The following PRKN variants were observed in gnomAD, a reference collection of about 807,000 sequenced individuals.
PRKN encodes the protein E3 ubiquitin-protein ligase parkin.
A neutral mutation model predicts 59.5 loss-of-function variants in PRKN; 56 were observed. The ratio of observed to expected loss-of-function variants is 0.94; its 90% CI spans 0.76 to 1.18. The LOEUF is 1.18. Among genes scored for constraint, PRKN ranks in the 50% most tolerant of loss-of-function variants. PRKN has a pLI of 0.00. For synonymous variants in PRKN, 250 were observed against 222.1 expected (o/e 1.13, Z -1.12); for missense variants, 657 against 596.4 (o/e 1.10, Z -1.06).
chr6:162,640,142 T>C (rs1160828129), intron 1 of PRKN, among the ~76,000 whole-genome samples: 1 of 152,104 alleles, frequency 6.6e-6, no homozygotes, highest in Non-Finnish European at 1.5e-5. Flanking sequence ...AAGTACCAAG[T>C]GCCAAGCCAG....
intron 7 of PRKN, among the ~76,000 whole-genome samples, chr6:161,616,148 C>T (rs1782684597): frequency 1.3e-5 from 2 of 152,206 alleles, no homozygotes; most frequent in Admixed American, 6.5e-5. Flanking sequence ...CTGTCCTGCT[C>T]TGTTCATTTT....
intron 5 of PRKN, among the ~76,000 whole-genome samples, chr6:162,038,233 C>A (rs183896176): frequency 1.9e-4 from 29 of 151,940 alleles, no homozygotes; most frequent in African/African-American, 6.8e-4. Flanking sequence ...TTGTCAGAGC[C>A]ACTTAATTTG....
intron 4 of PRKN, among the ~76,000 whole-genome samples, chr6:162,180,374 G>T (rs1783748930): frequency 6.6e-6 from 1 of 152,068 alleles, no homozygotes; most frequent in Non-Finnish European, 1.5e-5. Flanking sequence ...ATTTCACATT[G>T]CATGCCTGAA....
At chr6:161,490,916 C>T (rs1470275655) in intron 9 of PRKN, among the ~76,000 whole-genome samples, 1 of 152,110 alleles carries the variant, frequency 6.6e-6, no homozygotes, top group Non-Finnish European at 1.5e-5. Flanking sequence ...CTTCCCCCTG[C>T]TCCCGCCATA....
At chr6:162,360,509 A>G (rs1785087673) in intron 2 of PRKN, among the ~76,000 whole-genome samples, 2 of 152,216 alleles carry the variant, frequency 1.3e-5, no homozygotes, top group South Asian at 2.1e-4. Context: ...AAACCTGTCT[A>G]CTCTCGATAC....
rs1786217488 is a variant in PRKN, at chr6:161,385,868, C to T, written c.1167+926G>A. On this transcript the variant is annotated intron_variant, in intron 10 of 11. Transcript: ENST00000366898. The surrounding 1 kb of genome is among the most constrained non-coding windows in gnomAD (Gnocchi z 4.9). Reference sequence around the variant, plus strand: ...TCAGTCCTAAATCCACTCATATGCTCATGGCTGGCAATTTAGGAGCAGACG... The same window carrying T: ...TCAGTCCTAAATCCACTCATATGCTTATGGCTGGCAATTTAGGAGCAGACG... Among the ~76,000 whole-genome samples the T allele has an allele frequency of 6.6e-6, 1 of 152,222 alleles. No individual in the cohort carries two copies. Among genetic ancestry groups the T allele is most frequent in the Admixed American group, 6.5e-5 (1 of 15,286 alleles).
intron 3 of PRKN, among the ~76,000 whole-genome samples, chr6:162,234,649 C>G (rs1463229986): frequency 6.6e-6 from 1 of 152,114 alleles, no homozygotes; most frequent in Non-Finnish European, 1.5e-5. Context: ...TAATACTTTT[C>G]ATATTTATTT....
chr6:161,737,639 T>C (rs925380164), intron 7 of PRKN, among the ~76,000 whole-genome samples: 4 of 152,122 alleles, frequency 2.6e-5, no homozygotes, highest in African/African-American at 9.7e-5. Context: ...TTGAAAACTG[T>C]GGTAAGTGAA....
At chr6:161,540,861 C>T (rs1779591755) in intron 9 of PRKN, among the ~76,000 whole-genome samples, 2 of 152,178 alleles carry the variant, frequency 1.3e-5, no homozygotes, top group South Asian at 2.1e-4. Flanking sequence ...TCTTGGATTG[C>T]AGCTCTCTGC....
intron 2 of PRKN, among the ~76,000 whole-genome samples, chr6:162,413,273 C>T (rs1001939893): frequency 5.9e-5 from 9 of 151,932 alleles, no homozygotes; most frequent in African/African-American, 1.9e-4. Context: ...ATGAAGAAGC[C>T]CCATCAGCTT....
At chr6:162,723,057 T>C (rs1392500318) in intron 1 of PRKN, among the ~76,000 whole-genome samples, 1 of 152,100 alleles carries the variant, frequency 6.6e-6, no homozygotes, top group African/African-American at 2.4e-5. Flanking sequence ...CAACTAGAAA[T>C]ATAAATTGAG....
At position 161,927,303 on chromosome 6, in the gene PRKN, G is replaced by A. The variant is rs539514247; in HGVS notation, c.734+45999C>T. Among the ~76,000 whole-genome samples, 6 of 152,248 alleles carry A rather than the reference G, an allele frequency of 3.9e-5. 1 individual carries two copies. The highest frequency in any genetic ancestry group is 4.1e-4 in the South Asian group (2 of 4,824). The stretch of plus-strand genomic sequence containing the variant: ...ACTACGAAGGAGCTTAATCAAAACC[G>A]TGAATACATCACTACGTCTTACATA... On this transcript the variant is annotated intron_variant, in intron 6 of 11. Transcript: ENST00000366898.
At chr6:162,304,566 T>A (rs79948313) in intron 2 of PRKN, among the ~76,000 whole-genome samples, 13,163 of 150,326 alleles carry the variant, frequency 0.088, 1,525 homozygotes, top group East Asian at 0.5. Flanking sequence ...TGTCCATTTA[T>A]CTATCTATCC....
intron 2 of PRKN, chr6:162,269,893 A>C (rs1452220256): frequency 6.6e-6 from 1 of 152,144 alleles, no homozygotes; most frequent in Admixed American, 6.5e-5. Context: ...GGATGCGGTG[A>C]TCAGGGAACA....
intron 4 of PRKN, among the ~76,000 whole-genome samples, chr6:162,144,978 G>C (rs1328886397): frequency 6.6e-6 from 1 of 152,118 alleles, no homozygotes; most frequent in Non-Finnish European, 1.5e-5. Context: ...CAAGGATTCA[G>C]GCTTTCACAC....
At position 161,363,399 on chromosome 6, in the gene PRKN, C is replaced by T. The variant is rs1438010395; in HGVS notation, c.1168-3194G>A. ...TGTCCATTTTTCTGGACATGAAACA[C>T]TAATAATTAAAATTAGAAACTCAGT... On this transcript the variant is annotated intron_variant, in intron 10 of 11. Coordinates refer to ENST00000366898, the MANE Select transcript of PRKN (RefSeq NM_004562.3). The surrounding 1 kb of genome is among the most constrained non-coding windows in gnomAD (Gnocchi z 4.1). Among the ~76,000 whole-genome samples the T allele has an allele frequency of 6.6e-6, 1 of 151,990 alleles. No individual in the cohort carries two copies. Among genetic ancestry groups the T allele is most frequent in the Non-Finnish European group, 1.5e-5 (1 of 68,004 alleles).
chr6:162,153,040 C>T (rs564311890), intron 4 of PRKN, among the ~76,000 whole-genome samples: 1 of 152,300 alleles, frequency 6.6e-6, no homozygotes, highest in South Asian at 2.1e-4. Flanking sequence ...TTTTAAATGC[C>T]TGAATTACCA....
At chr6:162,335,840 G>C (rs550963810) in intron 2 of PRKN, among the ~76,000 whole-genome samples, 4 of 151,804 alleles carry the variant, frequency 2.6e-5, no homozygotes, top group Non-Finnish European at 5.9e-5. Context: ...AAGCGAGGGT[G>C]GCCAACTCTT....
chr6:161,792,847 T>C (rs1288436274), intron 6 of PRKN, among the ~76,000 whole-genome samples: 1 of 152,198 alleles, frequency 6.6e-6, no homozygotes, highest in African/African-American at 2.4e-5. Context: ...AAAACATGAA[T>C]TTATCTTCTT....
Sources: allele counts gnomAD v4.1 joint callset (sites outside exome capture counted in the v4.1 genomes callset), GRCh38; gene constraint gnomAD v4.1.1; non-coding constraint Gnocchi (gnomAD v3.1); transcripts MANE v1.5; gene names NCBI Gene and HGNC (gene_info 2026-07-23, HGNC 2026-07-21).